The following SRBD1 variants were observed in gnomAD, a reference collection of about 807,000 sequenced individuals.
SRBD1 encodes the protein S1 RNA binding domain 1.
A neutral mutation model predicts 115.3 loss-of-function variants in SRBD1; 88 were observed. The observed-to-expected ratio is 0.76, with a 90% CI of 0.64 to 0.91. The LOEUF (loss-of-function observed/expected upper bound fraction) is 0.91, where lower values mean the gene tolerates loss of function less well. Among genes scored for constraint, SRBD1 ranks in the 40% least tolerant of loss-of-function variants. The probability of loss-of-function intolerance (pLI) is 0.00; values close to 1 mark genes in which losing one functional copy is unlikely to be tolerated. For synonymous variants in SRBD1, 509 were observed against 407.7 expected (o/e 1.25, Z -2.99); for missense variants, 1,385 against 1,177.4 (o/e 1.18, Z -2.58).
chr2:45,420,031 G>A, intron 16 of SRBD1, 137 bp from the exon 17 acceptor site: 1 of 725,976 alleles, frequency 1.4e-6, no homozygotes, highest in Non-Finnish European at 2.3e-6. Context: ...CACACTGTTA[G>A]CAGAATTAAG....
intron 16 of SRBD1, among the ~76,000 whole-genome samples, chr2:45,434,665 G>A (rs982767239): frequency 6.6e-6 from 1 of 152,008 alleles, no homozygotes; most frequent in Non-Finnish European, 1.5e-5. Context: ...AATGTCAAGG[G>A]TCTCCAGTTG....
intron 14 of SRBD1, among the ~76,000 whole-genome samples, chr2:45,491,240 T>C (rs1016523101): frequency 2.6e-5 from 4 of 152,188 alleles, no homozygotes; most frequent in Non-Finnish European, 4.4e-5. Context: ...ATTGGGAAAT[T>C]ATTCCAATTA....
At position 45,574,643 on chromosome 2, in the gene SRBD1, C is replaced by T. The variant is rs1673121184; in HGVS notation, c.1153G>A (p.Asp385Asn). The change falls in exon 8 of 21, where the codon GAC becomes AAC. Residue 385 changes from aspartate (D) to asparagine (N), a missense_variant. Asp to Asn is a conservative substitution (Grantham distance 23). Transcript: ENST00000263736. ...DMIAKDKDTL[D>N]FIRNLCQKRH... ...GATACTCACAAGTTCCGAATGAAGT[C>T]AAGCGTGTCTTTGTCTTTAGCAATC... is the stretch of plus-strand genomic sequence containing the variant. The T allele has an allele frequency of 6.2e-7, 1 of 1,613,206 alleles. No homozygotes were observed. The highest frequency in any genetic ancestry group is 1.3e-5 in the African/African-American group (1 of 74,856).
chr2:45,471,926 T>G (rs1012995591), intron 16 of SRBD1, among the ~76,000 whole-genome samples: 2 of 152,194 alleles, frequency 1.3e-5, no homozygotes, highest in Non-Finnish European at 2.9e-5. Flanking sequence ...TCCTAATTCA[T>G]GACATGGCTT....
intron 16 of SRBD1, among the ~76,000 whole-genome samples, chr2:45,453,071 T>C (rs1669043168): frequency 6.6e-6 from 1 of 151,618 alleles, no homozygotes; most frequent in Non-Finnish European, 1.5e-5. Flanking sequence ...CGAATAGCAA[T>C]TTGTGAAAGA....
Position 45,579,929 on chromosome 2 carries a change from G to A in SRBD1, c.1018C>T (p.Leu340Phe), listed in dbSNP as rs954126764. Reference protein sequence around the residue: ...LGLEGAARALLEKPGELSLLS... With the variant: ...LGLEGAARALFEKPGELSLLS... ...AGACTGAGCTCCCCTGGTTTCTCAA[G>A]CAGTGCCCTGGCTGCTCCTTCTAAG... Residue 340 changes from leucine to phenylalanine, a missense_variant, in exon 7 of 21, where the codon CTT becomes TTT. Transcript: ENST00000263736. 1 of 1,609,580 alleles carries A rather than the reference G, an allele frequency of 6.2e-7. No individual in the cohort carries two copies. Among genetic ancestry groups the A allele is most frequent in the Non-Finnish European group, 8.5e-7 (1 of 1,177,900 alleles).
chr2:45,488,635 C>T (rs535364783), intron 14 of SRBD1, among the ~76,000 whole-genome samples: 108 of 152,256 alleles, frequency 7.1e-4, no homozygotes, highest in Middle Eastern at 3.4e-3. Flanking sequence ...TGAATACTCT[C>T]CCATGATGCC....
At chr2:45,401,395 C>T (rs370175968) in intron 19 of SRBD1, among the ~76,000 whole-genome samples, 1 of 152,128 alleles carries the variant, frequency 6.6e-6, no homozygotes, top group Admixed American at 6.5e-5. Context: ...TATTGTCTAG[C>T]CATAGGTCTA....
intron 16 of SRBD1, among the ~76,000 whole-genome samples, chr2:45,451,769 T>C (rs866749929): frequency 3.7e-4 from 56 of 151,944 alleles, no homozygotes; most frequent in African/African-American, 1.3e-3. Context: ...TTTAAGTTCA[T>C]GTAAATGATG....
intron 10 of SRBD1, 135 bp from the exon 11 acceptor site, chr2:45,553,865 G>A (rs1572768789): frequency 2.2e-6 from 1 of 459,214 alleles, no homozygotes; most frequent in Non-Finnish European, 4.0e-6. Flanking sequence ...TAATCTGTGA[G>A]GAAAGGCTGT....
At chr2:45,505,661 C>G (rs1475712294) in intron 14 of SRBD1, among the ~76,000 whole-genome samples, 1 of 152,154 alleles carries the variant, frequency 6.6e-6, no homozygotes, top group Non-Finnish European at 1.5e-5. Context: ...TTGCACAATA[C>G]TTAAGAGCTT....
intron 1 of SRBD1, among the ~76,000 whole-genome samples, chr2:45,609,720 C>T (rs564228156): frequency 2.0e-5 from 3 of 152,148 alleles, no homozygotes; most frequent in South Asian, 4.1e-4. Context: ...CTCCTTGCAT[C>T]CCTTAGATCT....
At chr2:45,469,810 A>G (rs931086258) in intron 16 of SRBD1, among the ~76,000 whole-genome samples, 17 of 152,194 alleles carry the variant, frequency 1.1e-4, no homozygotes, top group African/African-American at 3.9e-4. Flanking sequence ...TCTGAATTGC[A>G]AGGCTAAGTC....
chr2:45,575,892 C>A (rs898034730), intron 7 of SRBD1, among the ~76,000 whole-genome samples: 29 of 152,056 alleles, frequency 1.9e-4, no homozygotes, highest in African/African-American at 6.3e-4. Context: ...TTAGTAGTGA[C>A]GGGCTTTCAC....
At chr2:45,571,968 A>T (rs550530463) in intron 9 of SRBD1, among the ~76,000 whole-genome samples, 117 of 152,240 alleles carry the variant, frequency 7.7e-4, no homozygotes, top group Middle Eastern at 6.8e-3. Context: ...GATATTTTTT[A>T]AAATTATTAT....
At chr2:45,601,179 T>C (rs553193264) in intron 3 of SRBD1, among the ~76,000 whole-genome samples, 8 of 152,364 alleles carry the variant, frequency 5.3e-5, no homozygotes, top group African/African-American at 1.9e-4. Flanking sequence ...ACAAGCATAA[T>C]GCCTAGACCA....
intron 9 of SRBD1, among the ~76,000 whole-genome samples, chr2:45,564,536 T>C (rs754805274): frequency 1.3e-5 from 2 of 152,310 alleles, no homozygotes; most frequent in East Asian, 1.9e-4. Context: ...TTAGAACTAA[T>C]AAAGAGTTCA....
Position 45,573,189 on chromosome 2 carries a change from T to A in SRBD1, c.1305+18A>T. 6.3e-7 allele frequency: 1 copy of A among 1,585,726 alleles called. No individual in the cohort carries two copies. Among genetic ancestry groups the A allele is most frequent in the Non-Finnish European group, 8.6e-7 (1 of 1,169,332 alleles). On this transcript the variant is annotated intron_variant, in intron 9 of 20. Coordinates refer to ENST00000263736, the MANE Select transcript of SRBD1 (RefSeq NM_018079.5). ...CATTATTACGAAATCAGCATGCACA[T>A]GCAGTTTCTTTATTTACCTGATGAT...
At chr2:45,568,726 G>C (rs1672913769) in intron 9 of SRBD1, among the ~76,000 whole-genome samples, 1 of 152,090 alleles carries the variant, frequency 6.6e-6, no homozygotes, top group South Asian at 2.1e-4. Context: ...CAGAATAAAA[G>C]CATTAATGTT....
Sources: allele counts gnomAD v4.1 joint callset (sites outside exome capture counted in the v4.1 genomes callset), GRCh38; gene constraint gnomAD v4.1.1; transcripts MANE v1.5; gene names NCBI Gene and HGNC (gene_info 2026-07-23, HGNC 2026-07-21).